KALRN: variants seen among roughly 807,000 people sequenced by gnomAD.
KALRN encodes the protein kalirin RhoGEF kinase, also known as kalirin.
Under a neutral mutation model 353.7 loss-of-function variants are expected in KALRN, and 70 were observed. The observed-to-expected ratio is 0.20, with a 90% confidence interval of 0.16 to 0.24. The LOEUF (loss-of-function observed/expected upper bound fraction) is 0.24. KALRN is among the 10% of genes least tolerant of loss of function. The probability of loss-of-function intolerance (pLI) is 1.00; values close to 1 mark genes in which losing one functional copy is unlikely to be tolerated. For synonymous variants in KALRN, 1,391 were observed against 1,434.8 expected (o/e 0.97, Z 0.69); for missense variants, 2,791 against 3,756.7 (o/e 0.74, Z 6.72).
intron 34 of KALRN, among the ~76,000 whole-genome samples, chr3:124,609,885 G>C (rs1561414882): frequency 6.6e-6 from 1 of 152,196 alleles, no homozygotes; most frequent in African/African-American, 2.4e-5. Flanking sequence ...GAAAGGTAAA[G>C]AGGTAGAACT....
At chr3:124,414,965 TAA>T (rs1056083605) in intron 14 of KALRN, among the ~76,000 whole-genome samples, 7 of 152,278 alleles carry the variant, frequency 4.6e-5, no homozygotes, top group African/African-American at 1.7e-4. Context: ...CCTGAAAGAG[TAA>T]AGACCAGCAT....
intron 1 of KALRN, among the ~76,000 whole-genome samples, chr3:124,093,121 G>T (rs1448826192): frequency 6.6e-6 from 1 of 152,218 alleles, no homozygotes; most frequent in Non-Finnish European, 1.5e-5. Flanking sequence ...GGTGGAGGTT[G>T]TGACTCTGCT....
chr3:124,512,444 G>A lies in KALRN; in HGVS notation c.4935+16031G>A, dbSNP rs1026248378. ...AGGCGGGTGGATCATGAGGTCAGGA[G>A]TTTGAGACCAGCCTGGCCAACGTGG... On this transcript the variant is annotated intron_variant, in intron 33 of 59. Coordinates refer to ENST00000682506, the MANE Select transcript of KALRN (RefSeq NM_001388419.1). Among the ~76,000 whole-genome samples, 3 of 152,188 alleles carry A rather than the reference G, an allele frequency of 2.0e-5. No homozygotes were observed. In the East Asian group the frequency reaches 5.8e-4, roughly 29 times the overall value.
At position 124,671,890 on chromosome 3, in the gene KALRN, G is replaced by A. The variant is rs2086503569; in HGVS notation, c.6934G>A (p.Ala2312Thr). 2 of 1,611,568 alleles carry A rather than the reference G, an allele frequency of 1.2e-6. No individual in the cohort carries two copies. Among genetic ancestry groups the A allele is most frequent in the Non-Finnish European group, 1.7e-6 (2 of 1,177,802 alleles). ...CCACCAGCCTGGGGACAAGTTCGAAGCCAGCAAGGTAAGTGACAACTCATT... is the reference window on the plus strand; with the variant it reads ...CCACCAGCCTGGGGACAAGTTCGAAACCAGCAAGGTAAGTGACAACTCATT... ...EYHQPGDKFE[A>T]SKNDLGGCNG... is the part of the protein sequence containing the mutation. The change falls in exon 48 of 60, where the codon GCC (alanine) becomes ACC (threonine). Residue 2312 changes from alanine (A) to threonine (T), a missense_variant. Around this residue, in one of 11 missense-constraint regions of KALRN, gnomAD observed 1,065 missense variants for 1,156.4 expected, o/e 0.92. Coordinates refer to ENST00000682506, the MANE Select transcript of KALRN (RefSeq NM_001388419.1).
intron 33 of KALRN, among the ~76,000 whole-genome samples, chr3:124,526,057 G>A (rs894310768): frequency 4.6e-5 from 7 of 152,182 alleles, no homozygotes; most frequent in Non-Finnish European, 1.0e-4. Flanking sequence ...CAGCCTTCCA[G>A]GAGAGGCCAT....
intron 34 of KALRN, among the ~76,000 whole-genome samples, chr3:124,603,007 G>A (rs1403142363): frequency 6.6e-6 from 1 of 151,952 alleles, no homozygotes; most frequent in Non-Finnish European, 1.5e-5. Flanking sequence ...GGAATCTAGT[G>A]CAATTTCACA....
At chr3:124,493,928 G>A (rs546969495) in intron 32 of KALRN, among the ~76,000 whole-genome samples, 1 of 152,324 alleles carries the variant, frequency 6.6e-6, no homozygotes, top group African/African-American at 2.4e-5. Flanking sequence ...CAGAGTCCAG[G>A]TAAGGAGGGG....
At chr3:124,523,862 C>T (rs115335672) in intron 33 of KALRN, among the ~76,000 whole-genome samples, 1,969 of 152,354 alleles carry the variant, frequency 0.013, 35 homozygotes, top group African/African-American at 0.044. Context: ...CTTCCTTCTG[C>T]TTCTATACTG....
intron 5 of KALRN, among the ~76,000 whole-genome samples, chr3:124,297,033 G>A (rs60006517): frequency 0.069 from 10,524 of 152,238 alleles, 1,041 homozygotes; most frequent in East Asian, 0.47. Flanking sequence ...TTATAATAAA[G>A]TTGTATCTGA....
At chr3:124,099,004 C>G (rs915478518) in intron 1 of KALRN, among the ~76,000 whole-genome samples, 2 of 152,184 alleles carry the variant, frequency 1.3e-5, no homozygotes, top group African/African-American at 4.8e-5. Flanking sequence ...AATAATCGTA[C>G]ATATTTACGG....
intron 1 of KALRN, among the ~76,000 whole-genome samples, chr3:124,182,743 T>G (rs1560168824): frequency 6.6e-6 from 1 of 152,134 alleles, no homozygotes; most frequent in Non-Finnish European, 1.5e-5. Context: ...CCCAGACCCA[T>G]CTGGCTTCAT....
At chr3:124,578,322 G>A (rs532822747) in intron 34 of KALRN, among the ~76,000 whole-genome samples, 51 of 152,186 alleles carry the variant, frequency 3.4e-4, no homozygotes, top group Non-Finnish European at 6.8e-4. Context: ...TGGGAATATT[G>A]ATTAGCCATC....
chr3:124,619,337 G>A (rs1321880724), intron 34 of KALRN, among the ~76,000 whole-genome samples: 1 of 152,082 alleles, frequency 6.6e-6, no homozygotes, highest in Non-Finnish European at 1.5e-5. Flanking sequence ...CACTTAGATG[G>A]TTGCTGTATC....
intron 1 of KALRN, among the ~76,000 whole-genome samples, chr3:124,123,969 A>G (rs1182745081): frequency 6.6e-6 from 1 of 152,228 alleles, no homozygotes; most frequent in Non-Finnish European, 1.5e-5. Context: ...AAGGAGATAA[A>G]TGTTGCTTTC....
chr3:124,557,326 A>G (rs1467108651), intron 33 of KALRN, among the ~76,000 whole-genome samples: 2 of 152,162 alleles, frequency 1.3e-5, no homozygotes, highest in Non-Finnish European at 2.9e-5. Flanking sequence ...TATTATGAGC[A>G]TTTTCATGCT....
At position 124,721,449 on chromosome 3, in the gene KALRN, A is replaced by G. The variant is rs527435323; in HGVS notation, c.*1979A>G. The G allele has an allele frequency of 2.3e-4, 35 of 152,304 alleles. 1 individual carries two copies. The East Asian group carries it at 6.2e-3, about 27-fold the overall frequency. The allele number at this position is 152,304 out of a possible 1,614,324, so 9.4% of individuals were successfully genotyped here. A position where few individuals can be genotyped will look rare whatever the true frequency, so the allele number is the denominator to read the frequency against. On this transcript the variant is annotated 3_prime_UTR_variant, in exon 60 of 60. Transcript: ENST00000682506. Reference sequence around the variant, plus strand: ...TTTGGACCTTTATGTATTTACAAACACTCTATGATACAATACATAAAAATT... The same window carrying G: ...TTTGGACCTTTATGTATTTACAAACGCTCTATGATACAATACATAAAAATT...
At chr3:124,055,962 G>C (rs780658507) in intron 1 of KALRN, among the ~76,000 whole-genome samples, 2 of 152,134 alleles carry the variant, frequency 1.3e-5, no homozygotes, top group African/African-American at 4.8e-5. Context: ...TTTGTTCTCC[G>C]GGAGTTTTCC....
At chr3:124,485,674 G>A (rs981830672) in intron 28 of KALRN, among the ~76,000 whole-genome samples, 1 of 152,204 alleles carries the variant, frequency 6.6e-6, no homozygotes, top group African/African-American at 2.4e-5. Flanking sequence ...GAGGTCAGGA[G>A]TTTGAGACCA....
chr3:124,526,536 C>G (rs2067606794), intron 33 of KALRN, among the ~76,000 whole-genome samples: 1 of 152,106 alleles, frequency 6.6e-6, no homozygotes. Context: ...GATCACACCA[C>G]TGCACTCCAG....
Sources: gnomAD v4.1 joint callset for allele counts (sites outside exome capture counted in the v4.1 genomes callset) on GRCh38, gnomAD v4.1.1 for gene constraint, gnomAD v4.1.1 regional missense constraint, MANE v1.5 for transcripts, NCBI Gene and HGNC (gene_info 2026-07-23, HGNC 2026-07-21) for gene names.